The following CRACR2A variants were observed in gnomAD, a reference collection of about 807,000 sequenced individuals.
CRACR2A encodes the protein EF-hand calcium-binding domain-containing protein 4B.
In CRACR2A, 79 loss-of-function variants were observed where a neutral mutation model predicts 90.5. The observed-to-expected ratio is 0.87, with a 90% CI of 0.73 to 1.05. The LOEUF (loss-of-function observed/expected upper bound fraction) is 1.05, where lower values mean the gene tolerates loss of function less well. Among genes scored for constraint, CRACR2A ranks in the 50% least tolerant of loss-of-function variants. The pLI is 0.00. For synonymous variants in CRACR2A, 338 were observed against 356.7 expected, an observed-to-expected ratio of 0.95 and a Z score of 0.59; for missense variants, 823 against 897.2, an observed-to-expected ratio of 0.92 and a Z score of 1.06.
intron 8 of CRACR2A, among the ~76,000 whole-genome samples, chr12:3,658,292 A>G (rs1163953614): frequency 6.6e-6 from 1 of 151,952 alleles, no homozygotes; most frequent in Non-Finnish European, 1.5e-5. Context: ...ACCTATAGTC[A>G]TGGCCCAGGC....
intron 4 of CRACR2A, among the ~76,000 whole-genome samples, chr12:3,693,006 G>A (rs998943331): frequency 1.3e-5 from 2 of 152,104 alleles, no homozygotes; most frequent in African/African-American, 2.4e-5. Flanking sequence ...GCCCCCCAAC[G>A]CTCCAACTGC....
At chr12:3,682,764 T>A (rs1376982103) in intron 4 of CRACR2A, among the ~76,000 whole-genome samples, 1 of 151,622 alleles carries the variant, frequency 6.6e-6, no homozygotes, top group East Asian at 1.9e-4. Context: ...CCTGGTACTG[T>A]TTACATTATT....
At chr12:3,674,414 G>A (rs1447161449) in intron 6 of CRACR2A, among the ~76,000 whole-genome samples, 1 of 152,190 alleles carries the variant, frequency 6.6e-6, no homozygotes, top group Non-Finnish European at 1.5e-5. Context: ...ACCCAGGGAG[G>A]GAATGAGGAG....
At chr12:3,635,745 A>G (rs1044863574) in intron 14 of CRACR2A, among the ~76,000 whole-genome samples, 1 of 152,124 alleles carries the variant, frequency 6.6e-6, no homozygotes, top group Non-Finnish European at 1.5e-5. Context: ...GCCTCAAGCT[A>G]TCCTCTCAAC....
At chr12:3,682,198 C>A (rs1945468370) in intron 4 of CRACR2A, among the ~76,000 whole-genome samples, 1 of 152,226 alleles carries the variant, frequency 6.6e-6, no homozygotes, top group South Asian at 2.1e-4. Context: ...TATCCTTCCT[C>A]CTTCCCCACC....
At chr12:3,653,254 T>A (rs967240489) in intron 10 of CRACR2A, among the ~76,000 whole-genome samples, 13 of 152,310 alleles carry the variant, frequency 8.5e-5, no homozygotes, top group African/African-American at 1.4e-4. Flanking sequence ...GTGCTGGGAT[T>A]ACAGGCGTGA....
intron 1 of CRACR2A, among the ~76,000 whole-genome samples, chr12:3,734,698 C>T (rs929377974): frequency 4.0e-5 from 6 of 151,378 alleles, no homozygotes; most frequent in Non-Finnish European, 8.8e-5. Context: ...AGAAGAAAAC[C>T]CTACCATTTG....
intron 15 of CRACR2A, among the ~76,000 whole-genome samples, chr12:3,628,989 G>A (rs548119048): frequency 1.3e-5 from 2 of 152,292 alleles, no homozygotes; most frequent in South Asian, 4.1e-4. Context: ...CTTCACAGAT[G>A]AGGGCCAGAG....
chr12:3,649,084 G>A (rs1944746387), intron 10 of CRACR2A, among the ~76,000 whole-genome samples: 1 of 151,952 alleles, frequency 6.6e-6, no homozygotes, highest in African/African-American at 2.4e-5. Context: ...CTGTTGTGGG[G>A]TGGGGGAAGG....
intron 3 of CRACR2A, among the ~76,000 whole-genome samples, chr12:3,704,327 A>G (rs998880721): frequency 3.9e-5 from 6 of 152,232 alleles, no homozygotes; most frequent in Non-Finnish European, 7.3e-5. Context: ...TAAAACTCTA[A>G]AAAATGAAAA....
intron 10 of CRACR2A, among the ~76,000 whole-genome samples, chr12:3,652,121 T>C (rs1389652374): frequency 6.6e-6 from 1 of 151,624 alleles, no homozygotes; most frequent in African/African-American, 2.4e-5. Context: ...CTCCAGAGAT[T>C]GTGTCTCTGG....
At chr12:3,705,045 T>C (rs898640868) in intron 3 of CRACR2A, among the ~76,000 whole-genome samples, 1 of 152,234 alleles carries the variant, frequency 6.6e-6, no homozygotes, top group African/African-American at 2.4e-5. Flanking sequence ...AAGGATGCCT[T>C]AATCTCAGGG....
At position 3,659,637 on chromosome 12, in the gene CRACR2A, T is replaced by A. The variant is rs201641139; in HGVS notation, c.689A>T (p.Asp230Val). The change falls in exon 8 of 20, where the codon GAT (aspartate) becomes GTT (valine). Residue 230 changes from aspartate (D) to valine (V), a missense_variant. Coordinates refer to ENST00000440314, the MANE Select transcript of CRACR2A (RefSeq NM_001144958.2). The part of the protein sequence containing the change: ...CALKRKIAAY[D>V]EEIQHLYEEM... ...CTCATAGAGATGCTGGATTTCTTCA[T>A]CATAAGCAGCAATTTTCCTACAGAG... The A allele has an allele frequency of 1.2e-6, 2 of 1,614,134 alleles. No homozygotes were observed. Among genetic ancestry groups the A allele is most frequent in the South Asian group, 2.2e-5 (2 of 91,076 alleles).
At position 3,615,410 on chromosome 12, in the gene CRACR2A, C is replaced by A. The variant is rs546874875; in HGVS notation, c.2141G>T (p.Arg714Ile). ...RFLKEQEDTV[R>I]EDTIQVGHPA... is the part of the protein sequence containing the mutation. Reference sequence around the variant, plus strand: ...GTGGCCGACCTGAATGGTGTCCTCTCTCACTGTGTCTTCTTGCTCCTTGAG... The same window carrying A: ...GTGGCCGACCTGAATGGTGTCCTCTATCACTGTGTCTTCTTGCTCCTTGAG... Residue 714 changes from arginine (R) to isoleucine (I), a missense_variant, in exon 20 of 20, where the codon AGA (arginine) becomes ATA (isoleucine). Physicochemically the swap from Arg to Ile is moderately conservative, Grantham distance 97. Coordinates refer to ENST00000440314, the MANE Select transcript of CRACR2A (RefSeq NM_001144958.2). 1 of 1,551,250 alleles carries A rather than the reference C, an allele frequency of 6.4e-7. No individual in the cohort carries two copies. The highest frequency in any genetic ancestry group is 2.0e-5 in the Admixed American group (1 of 50,960).
chr12:3,741,950 G>T lies in CRACR2A; in HGVS notation c.-386-8740C>A, dbSNP rs531438523. 2.0e-5 allele frequency among the ~76,000 whole-genome samples: 3 copies of T among 152,348 alleles called. No homozygotes were observed. The South Asian group carries it at 6.2e-4, about 32-fold the overall frequency. ...GTGTCCTCTCAGTGAGGGCAAGAGA[G>T]TCACCCATGACTGTCACTCTGCTAG... On this transcript the variant is annotated intron_variant, in intron 1 of 19. Transcript: ENST00000440314.
At chr12:3,742,760 C>G (rs1045014291) in intron 1 of CRACR2A, among the ~76,000 whole-genome samples, 1 of 152,188 alleles carries the variant, frequency 6.6e-6, no homozygotes, top group African/African-American at 2.4e-5. Context: ...CACCACTTAC[C>G]TGCTGAATTC....
chr12:3,620,595 A>ATTCT (rs1373606789), intron 17 of CRACR2A, among the ~76,000 whole-genome samples: 1 of 152,262 alleles, frequency 6.6e-6, no homozygotes, highest in Admixed American at 6.5e-5. Flanking sequence ...AGGCTCAGAG[A>ATTCT]ATCAAAAAGA....
chr12:3,709,162 CTG>C (rs962165148), intron 3 of CRACR2A, among the ~76,000 whole-genome samples: 2 of 152,180 alleles, frequency 1.3e-5, no homozygotes, highest in African/African-American at 4.8e-5. Flanking sequence ...GCAATAAAAA[CTG>C]TAGGCACAAA....
intron 3 of CRACR2A, among the ~76,000 whole-genome samples, chr12:3,712,466 C>A (rs534615128): frequency 6.6e-6 from 1 of 152,252 alleles, no homozygotes; most frequent in East Asian, 1.9e-4. Flanking sequence ...GATGGCAAAG[C>A]AGGAGCAACA....
Sources: allele counts gnomAD v4.1 joint callset (sites outside exome capture counted in the v4.1 genomes callset), GRCh38; gene constraint gnomAD v4.1.1; transcripts MANE v1.5; gene names NCBI Gene and HGNC (gene_info 2026-07-23, HGNC 2026-07-21).